Variants in SPATA1 observed in about 807,000 individuals in gnomAD.
SPATA1 encodes spermatogenesis associated 1, also known as spermatogenesis-associated protein 1.
SPATA1 carries 57 observed loss-of-function variants against 59.6 expected under a neutral mutation model. The observed-to-expected ratio is 0.96, with a 90% CI of 0.77 to 1.19. The LOEUF is 1.19. Among genes scored for constraint, SPATA1 ranks in the 50% most tolerant of loss-of-function variants. SPATA1 has a pLI of 0.00. For synonymous variants in SPATA1, 147 were observed against 163.9 expected (o/e 0.90, Z 0.79); for missense variants, 448 against 480.7 (o/e 0.93, Z 0.64).
At chr1:84,533,535 C>T (rs1011998271) in intron 7 of SPATA1, among the ~76,000 whole-genome samples, 174 bp from the exon 8 acceptor site, 3 of 151,942 alleles carry the variant, frequency 2.0e-5, no homozygotes, top group African/African-American at 7.2e-5. Flanking sequence ...CTAAATGTAG[C>T]TTTACATGGA....
Position 84,544,379 on chromosome 1 carries a change from T to A in SPATA1, c.820+75T>A, listed in dbSNP as rs150529450. 2.2e-4 allele frequency: 246 copies of A among 1,118,784 alleles called. 1 individual carries two copies. The East Asian group carries it at 3.5e-3, about 16-fold the overall frequency. 69.3% of individuals were successfully genotyped at this position (1,118,784 alleles called of 1,614,324 possible). On this transcript the variant is annotated intron_variant, in intron 9 of 12. Coordinates refer to ENST00000490879, the Ensembl canonical transcript of SPATA1. Reference sequence around the variant, plus strand: ...ATAATGTTAATGGGGAGTTACTGTTTAATGGGTATAGAGTTTCAGTTTGAG... The same window carrying A: ...ATAATGTTAATGGGGAGTTACTGTTAAATGGGTATAGAGTTTCAGTTTGAG...
exon 12 of SPATA1, chr1:84,550,524 A>C (rs1322632928): frequency 3.3e-6 from 5 of 1,528,790 alleles, no homozygotes; most frequent in Non-Finnish European, 4.4e-6. Context: ...TCATAGTAGA[A>C]GTTAAGGTAA....
chr1:84,517,807 A>G (rs1025204146), intron 2 of SPATA1, among the ~76,000 whole-genome samples: 1 of 152,114 alleles, frequency 6.6e-6, no homozygotes, highest in African/African-American at 2.4e-5. Context: ...TACTGCTAGC[A>G]CGTGAGTCAC....
At chr1:84,532,089 G>A (rs1162917491) in intron 6 of SPATA1, among the ~76,000 whole-genome samples, 1 of 152,172 alleles carries the variant, frequency 6.6e-6, no homozygotes, top group Non-Finnish European at 1.5e-5. Flanking sequence ...TTTTATCAAT[G>A]AAAATGTATG....
chr1:84,564,062 T>C (rs7515692), intron 4 of SPATA1: 5,456 of 167,642 alleles, frequency 0.033, 196 homozygotes, highest in African/African-American at 0.088. Context: ...ATTAAGATCA[T>C]ACTGAAATAA....
rs140232009 is a variant in SPATA1 at position 84,540,393 on chromosome 1, T to C, written c.718-3809T>C. Among the ~76,000 whole-genome samples the C allele has an allele frequency of 7.7e-3, 1,179 of 152,234 alleles. 10 individuals carry two copies. Among genetic ancestry groups the C allele is most frequent in the Middle Eastern group, 0.024 (7 of 294 alleles). On this transcript the variant is annotated intron_variant, in intron 8 of 12. Coordinates refer to ENST00000490879, the Ensembl canonical transcript of SPATA1. ...AGCTAGTATTTTCGGCCCCTCTTTT[T>C]TCCTTTTTTAAAAATTTGTCCTTCT... is the stretch of plus-strand genomic sequence containing the variant.
chr1:84,558,303 T>C (rs1361375824), downstream of SPATA1, among the ~76,000 whole-genome samples: 2 of 151,934 alleles, frequency 1.3e-5, no homozygotes, highest in Admixed American at 1.3e-4. Flanking sequence ...CTTTTTTTTT[T>C]TTTTGAGACG....
exon 5 of SPATA1, chr1:84,565,863 A>G: frequency 6.4e-7 from 1 of 1,564,772 alleles, no homozygotes; most frequent in Non-Finnish European, 8.6e-7. Context: ...GATTATAGGG[A>G]GCATTGGCTG....
chr1:84,510,461 T>C (rs1304279210), intron 1 of SPATA1, among the ~76,000 whole-genome samples: 2 of 152,174 alleles, frequency 1.3e-5, no homozygotes, highest in African/African-American at 2.4e-5. Flanking sequence ...CAATGAGATA[T>C]CATCTCTCCC....
chr1:84,548,718 T>C, intron 10 of SPATA1, 68 bp from the exon 11 acceptor site: 1 of 1,353,420 alleles, frequency 7.4e-7, no homozygotes, highest in South Asian at 2.0e-5. Flanking sequence ...GATGAAAAGT[T>C]GAATCCTTTA....
At chr1:84,559,127 CTA>C (rs1206258487), downstream of SPATA1, among the ~76,000 whole-genome samples, 1 of 152,164 alleles carries the variant, frequency 6.6e-6, no homozygotes, top group African/African-American at 2.4e-5. Flanking sequence ...TATGGCAACT[CTA>C]TTGAACAAGT....
exon 2 of SPATA1, chr1:84,516,244 C>G: frequency 1.2e-6 from 1 of 839,772 alleles, no homozygotes; most frequent in Non-Finnish European, 1.8e-6. Flanking sequence ...GAGTGGAATG[C>G]TATCTTAAGC....
At chr1:84,545,663 G>T in exon 10 of SPATA1, 1 of 1,520,278 alleles carries the variant, frequency 6.6e-7, no homozygotes, top group Middle Eastern at 1.7e-4. Context: ...AATGAAACAA[G>T]TAAAGGAAGA....
intron 2 of SPATA1, among the ~76,000 whole-genome samples, chr1:84,517,800 T>G (rs999955034): frequency 2.6e-5 from 4 of 152,116 alleles, no homozygotes; most frequent in Non-Finnish European, 5.9e-5. Context: ...TAACCTTTAC[T>G]GCTAGCACGT....
chr1:84,511,021 G>A (rs1206125673), intron 1 of SPATA1, among the ~76,000 whole-genome samples: 3 of 152,192 alleles, frequency 2.0e-5, no homozygotes, highest in African/African-American at 7.2e-5. Context: ...GGGTAGTGGG[G>A]TGGGGACTGG....
intron 8 of SPATA1, among the ~76,000 whole-genome samples, chr1:84,535,723 T>G (rs1465947916): frequency 1.3e-5 from 2 of 152,198 alleles, no homozygotes; most frequent in Non-Finnish European, 2.9e-5. Context: ...GTTTTTTTTT[T>G]GTAGATTCTT....
Position 84,525,986 on chromosome 1 carries a change from G to GT in SPATA1, c.458dup (p.Thr154AsnfsTer23), listed in dbSNP as rs779104564. On this transcript the variant is annotated frameshift_variant, in exon 6 of 13. Transcript: ENST00000490879. LOFTEE classifies it high-confidence loss of function. ...TGGAACAATCCACAGACCAATTAGT[G>GT]TAACTTTGTTCAAGGAGGAACTTGG... 26 of 1,613,484 alleles carry GT rather than the reference G, an allele frequency of 1.6e-5. No homozygotes were observed. The Admixed American group carries it at 4.3e-4, about 27-fold the overall frequency.
At chr1:84,523,512 G>A (rs1172033118) in intron 4 of SPATA1, among the ~76,000 whole-genome samples, 2 of 152,120 alleles carry the variant, frequency 1.3e-5, no homozygotes. Context: ...CTTGTGGGGA[G>A]GGACTTCATT....
chr1:84,524,902 CTTAT>C (rs977009674), intron 4 of SPATA1, among the ~76,000 whole-genome samples: 17 of 152,184 alleles, frequency 1.1e-4, no homozygotes, highest in African/African-American at 4.1e-4. Flanking sequence ...GAGATTTTGC[CTTAT>C]TTATCATTGT....
Sources: allele counts gnomAD v4.1 joint callset (sites outside exome capture counted in the v4.1 genomes callset), GRCh38; gene constraint gnomAD v4.1.1; transcripts MANE v1.5; gene names NCBI Gene and HGNC (gene_info 2026-07-23, HGNC 2026-07-21).